The following CACNA1F variants were observed in gnomAD, a reference collection of about 807,000 sequenced individuals.
The protein encoded by CACNA1F is calcium voltage-gated channel subunit alpha1 F, also known as voltage-dependent L-type calcium channel subunit alpha-1F.
CACNA1F carries 59 observed loss-of-function variants against 143.8 expected under a neutral mutation model. That is an observed-to-expected ratio of 0.41 (90% CI 0.33 to 0.51). CACNA1F has a LOEUF of 0.51. CACNA1F is among the 20% of genes least tolerant of loss of function. The probability of loss-of-function intolerance (pLI) is 0.22; values close to 1 mark genes in which losing one functional copy is unlikely to be tolerated. For missense variants in CACNA1F, 1,411 were observed against 1,647.5 expected, an observed-to-expected ratio of 0.86 and a Z score of 2.48; for synonymous variants, 643 against 649.1, an observed-to-expected ratio of 0.99 and a Z score of 0.14.
chrX:49,233,336 T>G lies in CACNA1F; in HGVS notation c.-27A>C, dbSNP rs1557111713. 1.4e-5 allele frequency: 16 copies of G among 1,157,887 alleles called. No individual in the cohort carries two copies. The highest frequency in any genetic ancestry group is 1.9e-5 in the Non-Finnish European group (16 of 846,266). The stretch of plus-strand genomic sequence containing the variant: ...TTTCTTTCGAGATTGAAGGGCCATC[T>G]GCACACAACCCCCCTCTCTTCCCCC... On this transcript the variant is annotated 5_prime_UTR_variant, in exon 1 of 48. Transcript: ENST00000323022.
intron 14 of CACNA1F, among the ~76,000 whole-genome samples, chrX:49,223,870 TAC>T (rs1180587552): frequency 9.2e-6 from 1 of 108,295 alleles, no homozygotes; most frequent in African/African-American, 3.4e-5. Context: ...TAGCTGGGAC[TAC>T]AGTCACTTGC....
intron 17 of CACNA1F, 47 bp downstream of exon 17, chrX:49,222,475 C>T (rs1557108902): frequency 9.1e-7 from 1 of 1,093,890 alleles, no homozygotes. Flanking sequence ...GGTTCCCAGT[C>T]AGGGATCCCA....
chrX:49,227,090 C>T lies in CACNA1F; in HGVS notation c.1156G>A (p.Gly386Arg), dbSNP rs782315613. Residue 386 changes from glycine to arginine, a missense_variant, in exon 9 of 48, where the codon GGG becomes AGG. Gly to Arg is a moderately radical substitution (Grantham distance 125). Coordinates refer to ENST00000323022, the MANE Select transcript of CACNA1F (RefSeq NM_001256789.3). ...SKEREKAKAR[G>R]DFQKQREKQQ... is the part of the protein sequence containing the mutation. ...TTCTCCCGCTGCTTCTGGAAGTCCC[C>T]GCGAGCTTTCGCTTTCTCTCTCTCC... The T allele has an allele frequency of 7.0e-5, 84 of 1,191,962 alleles. No homozygotes were observed. Among genetic ancestry groups the T allele is most frequent in the Non-Finnish European group, 8.7e-5 (77 of 885,382 alleles).
chrX:49,210,888 G>A (rs782301270), intron 37 of CACNA1F, 77 bp downstream of exon 37: 15 of 1,064,513 alleles, frequency 1.4e-5, no homozygotes, highest in East Asian at 1.3e-4. Flanking sequence ...TGCAGCAGTC[G>A]GAGGTTTGGG....
At chrX:49,222,892 T>TCCCC in intron 15 of CACNA1F, 37 bp downstream of exon 15, 1 of 1,206,950 alleles carries the variant, frequency 8.3e-7, no homozygotes, top group Non-Finnish European at 1.1e-6. Context: ...CTCCAGGGTC[T>TCCCC]CCCCGACCCA....
intron 46 of CACNA1F, among the ~76,000 whole-genome samples, chrX:49,206,060 G>A (rs1410436552): frequency 9.0e-6 from 1 of 111,404 alleles, no homozygotes; most frequent in Non-Finnish European, 1.9e-5. Context: ...CAAGTACAGT[G>A]AGCATTGTGT....
At chrX:49,216,047 G>T (rs1557107312) in intron 27 of CACNA1F, among the ~76,000 whole-genome samples, 1 of 109,870 alleles carries the variant, frequency 9.1e-6, no homozygotes, top group Non-Finnish European at 1.9e-5. Context: ...TCTCTTCAGA[G>T]ACCAATCCCA....
Position 49,217,119 on chromosome X carries a change from C to T in CACNA1F, c.3090-591G>A, listed in dbSNP as rs1475086355. On this transcript the variant is annotated intron_variant, in intron 26 of 47. Transcript: ENST00000323022. ...GATTACAGGTGCACAACACCAAGCCCAGCTAATTTTTGTATTTTTAGTGGA... is the reference window on the plus strand; with the variant it reads ...GATTACAGGTGCACAACACCAAGCCTAGCTAATTTTTGTATTTTTAGTGGA... Among the ~76,000 whole-genome samples, 4 of 111,545 alleles carry T rather than the reference C, an allele frequency of 3.6e-5. No homozygotes were observed. In the Admixed American group the frequency reaches 3.8e-4, roughly 11 times the overall value.
chrX:49,230,835 C>T lies in CACNA1F; in HGVS notation c.521+15G>A. On this transcript the variant is annotated intron_variant, in intron 4 of 47. Coordinates refer to ENST00000323022, the MANE Select transcript of CACNA1F (RefSeq NM_001256789.3). ...GGAAGGCGACTAGGGTGGGGTGCCT[C>T]CCGCAGACGCGCACCCGACCACGAC... The T allele has an allele frequency of 8.5e-6, 10 of 1,171,791 alleles. No individual in the cohort carries two copies. The highest frequency in any genetic ancestry group is 1.1e-5 in the Non-Finnish European group (10 of 874,278).
Position 49,205,691 on chromosome X carries a change from G to A in CACNA1F, c.5595C>T (p.Thr1865=). Residue 1865 remains threonine (T), a synonymous_variant, in exon 47 of 48, where the codon ACC becomes ACT. Coordinates refer to ENST00000323022, the MANE Select transcript of CACNA1F (RefSeq NM_001256789.3). The stretch of plus-strand genomic sequence containing the variant: ...AGTGGGTTCCAGGCACGTGCAGACA[G>A]GTGAAGGTGCGCAGTGGGCCACTGG... ...GRSSGPLRTF[T]CLHVPGTHSD... 8.3e-7 allele frequency: 1 copy of A among 1,205,494 alleles called. No individual in the cohort carries two copies. The highest frequency in any genetic ancestry group is 1.1e-6 in the Non-Finnish European group (1 of 892,152).
At chrX:49,233,257 G>T (rs782451897) in intron 1 of CACNA1F, 28 bp downstream of exon 1, 84 of 1,206,511 alleles carry the variant, frequency 7.0e-5, no homozygotes, top group Non-Finnish European at 9.0e-5. Flanking sequence ...TGCTCCAAGG[G>T]TCTGCAGGGA....
intron 34 of CACNA1F, 59 bp from the exon 35 acceptor site, chrX:49,212,048 C>G: frequency 2.1e-6 from 2 of 936,813 alleles, no homozygotes; most frequent in South Asian, 3.9e-5. Flanking sequence ...CATTTCACAC[C>G]TCCTAATACC....
rs908381196 is a variant in CACNA1F at position 49,210,114 on chromosome X, G to T, written c.4589-72C>A. The T allele has an allele frequency of 1.9e-5, 15 of 802,365 alleles. No individual in the cohort carries two copies. In the East Asian group the frequency reaches 4.7e-4, roughly 25 times the overall value. 66.1% of individuals were successfully genotyped at this position (802,365 alleles called of 1,213,427 possible). On this transcript the variant is annotated intron_variant, in intron 39 of 47. Transcript: ENST00000323022. ...CACAGCTGCCCCCTCACTGTTGGGT[G>T]GGGGGAACTTCACAAGCTGCTACCG...
At chrX:49,232,010 G>C (rs1241309426) in intron 1 of CACNA1F, 83 bp from the exon 2 acceptor site, 7 of 977,264 alleles carry the variant, frequency 7.2e-6, no homozygotes, top group Non-Finnish European at 8.2e-6. Flanking sequence ...CCCTCTGTTT[G>C]AAGGAAGGAG....
intron 2 of CACNA1F, 101 bp downstream of exon 2, chrX:49,231,577 G>T: frequency 9.5e-7 from 1 of 1,058,076 alleles, no homozygotes; most frequent in South Asian, 1.9e-5. Flanking sequence ...TCTTGACCTT[G>T]ATGATCTCAG....
At chrX:49,208,113 G>A (rs1435737713) in intron 43 of CACNA1F, among the ~76,000 whole-genome samples, 1 of 105,481 alleles carries the variant, frequency 9.5e-6, no homozygotes, top group Non-Finnish European at 1.9e-5. Context: ...CAGGAGAATC[G>A]CTTGAACCCG....
chrX:49,206,742 G>A lies in CACNA1F; in HGVS notation c.5345C>T (p.Pro1782Leu), dbSNP rs2065600620. ...CCTGCTCTCACCTGCAGGTGTGGGG[G>A]GCAGCAGACGGCGGCGTGGTACCAG... ...GHLVPRRRLL[P>L]PTPAGRKPSF... is the part of the protein sequence containing the mutation. Residue 1782 changes from proline (P) to leucine (L), a missense_variant, in exon 45 of 48, where the codon CCC (proline) becomes CTC (leucine). Physicochemically the swap from Pro to Leu is moderately conservative, Grantham distance 98 (BLOSUM62 -3). Around this residue, in one of 3 missense-constraint regions of CACNA1F, gnomAD observed 349 missense variants for 350.2 expected, o/e 1.00. Transcript: ENST00000323022. 8.3e-7 allele frequency: 1 copy of A among 1,205,259 alleles called. No individual in the cohort carries two copies. Among genetic ancestry groups the A allele is most frequent in the Non-Finnish European group, 1.1e-6 (1 of 891,800 alleles).
chrX:49,218,569 TGGCCCTGGCTG>T, intron 23 of CACNA1F, 27 bp from the exon 24 acceptor site: 1 of 1,183,249 alleles, frequency 8.5e-7, no homozygotes, highest in Non-Finnish European at 1.1e-6. Context: ...CCTCAGGCAT[TGGCCCTGGCTG>T]GGCCCTGGCT....
intron 35 of CACNA1F, 50 bp downstream of exon 35, chrX:49,211,844 AGGGT>A: frequency 1.0e-6 from 1 of 966,281 alleles, no homozygotes; most frequent in Non-Finnish European, 1.5e-6. Context: ...GGGCTCAGAG[AGGGT>A]GGGTGGGCAC....
Sources: allele counts gnomAD v4.1 joint callset (sites outside exome capture counted in the v4.1 genomes callset), GRCh38; gene constraint gnomAD v4.1.1; regional missense constraint gnomAD v4.1.1; transcripts MANE v1.5; gene names NCBI Gene and HGNC (gene_info 2026-07-23, HGNC 2026-07-21).